Variants in RNF19A observed in about 807,000 individuals in gnomAD.
RNF19A encodes E3 ubiquitin-protein ligase RNF19A.
In RNF19A, 32 loss-of-function variants were observed where a neutral mutation model predicts 75.7. The ratio of observed to expected loss-of-function variants is 0.42; its 90% CI spans 0.32 to 0.57. The LOEUF is 0.57. Among genes scored for constraint, RNF19A ranks in the 20% least tolerant of loss-of-function variants. The probability of loss-of-function intolerance (pLI) is 0.10; values close to 1 mark genes in which losing one functional copy is unlikely to be tolerated. For synonymous variants in RNF19A, 335 were observed against 345.2 expected (o/e 0.97, Z 0.33); for missense variants, 782 against 1,036.3 (o/e 0.75, Z 3.37).
chr8:100,277,921 A>AG (rs1459941433), intron 2 of RNF19A, among the ~76,000 whole-genome samples: 1 of 152,222 alleles, frequency 6.6e-6, no homozygotes, highest in Non-Finnish European at 1.5e-5. Context: ...GAAGGAAGGA[A>AG]GAAGGAAAGA....
chr8:100,281,308 A>G (rs1050268759), intron 2 of RNF19A, among the ~76,000 whole-genome samples: 2 of 152,194 alleles, frequency 1.3e-5, no homozygotes, highest in African/African-American at 4.8e-5. Flanking sequence ...AGTTAGGAAA[A>G]TGCCAAGTAA....
Position 100,258,469 on chromosome 8 carries a change from G to T in RNF19A, c.*87C>A. On this transcript the variant is annotated 3_prime_UTR_variant, in exon 10 of 10. Transcript: ENST00000341084. The surrounding 1 kb of genome is among the most constrained non-coding windows in gnomAD (Gnocchi z 4.3). ...TGATAATGAAACCCGGCTTTTGCTG[G>T]TAACCTGAAACTTAAGTAGTCACAT... The T allele has an allele frequency of 1.8e-6, 2 of 1,099,158 alleles. No individual in the cohort carries two copies. Among genetic ancestry groups the T allele is most frequent in the Non-Finnish European group, 2.6e-6 (2 of 758,606 alleles). The allele number at this position is 1,099,158 out of a possible 1,614,324, so 68.1% of individuals were successfully genotyped here. A position where few individuals can be genotyped will look rare whatever the true frequency, so the allele number is the denominator to read the frequency against.
chr8:100,333,911 A>G lies in RNF19A; in HGVS notation c.-243+2197T>C, dbSNP rs1274086591. Among the ~76,000 whole-genome samples, 2 of 152,214 alleles carry G rather than the reference A, an allele frequency of 1.3e-5. No individual in the cohort carries two copies. The highest frequency in any genetic ancestry group is 2.4e-5 in the African/African-American group (1 of 41,444). The stretch of plus-strand genomic sequence containing the variant: ...TTCCCTACAGCATGATGTTTAAATT[A>G]TTCAGTCTAGTACCCCGATATTCTA... On this transcript the variant is annotated intron_variant, in intron 1 of 3. Transcript: ENST00000519527. The surrounding 1 kb of genome is among the most constrained non-coding windows in gnomAD (Gnocchi z 4.7).
chr8:100,301,890 GAGACCTGA>G (rs535872500), intron 1 of RNF19A, among the ~76,000 whole-genome samples: 206 of 152,314 alleles, frequency 1.4e-3, no homozygotes, highest in African/African-American at 4.6e-3. Context: ...GCATTTAGCA[GAGACCTGA>G]AGGAGGTAAA....
chr8:100,274,598 C>T (rs1014016160), intron 3 of RNF19A, among the ~76,000 whole-genome samples: 4 of 152,030 alleles, frequency 2.6e-5, no homozygotes, highest in East Asian at 1.9e-4. Context: ...TAGCCCAGGC[C>T]GTTCTCGAAC....
rs1563877969 is a variant in RNF19A, at chr8:100,332,285, G to T, written c.-243+3823C>A. Among the ~76,000 whole-genome samples, 1 of 152,068 alleles carries T rather than the reference G, an allele frequency of 6.6e-6. No individual in the cohort carries two copies. The highest frequency in any genetic ancestry group is 1.5e-5 in the Non-Finnish European group (1 of 68,016). ...GGTGGGAAGTGATTGGGTCATGGTG[G>T]TAATTTCCCCCATGTTGTTCTCATG... On this transcript the variant is annotated intron_variant, in intron 1 of 3. Coordinates refer to the RNF19A transcript ENST00000519527. This position sits in a 1 kb window ranked among gnomAD's most constrained non-coding sequence, Gnocchi z 4.8.
intron 5 of RNF19A, among the ~76,000 whole-genome samples, chr8:100,265,101 T>A (rs1819910627): frequency 6.6e-6 from 1 of 152,200 alleles, no homozygotes; most frequent in African/African-American, 2.4e-5. Context: ...AAATTAAGAT[T>A]ATTATTTTCA....
At chr8:100,274,084 C>T (rs1820387740) in intron 3 of RNF19A, among the ~76,000 whole-genome samples, 1 of 152,114 alleles carries the variant, frequency 6.6e-6, no homozygotes, top group African/African-American at 2.4e-5. Context: ...CGTGACTGGC[C>T]AGTATCTTTA....
At chr8:100,266,202 T>C (rs1389338922) in intron 5 of RNF19A, among the ~76,000 whole-genome samples, 3 of 152,240 alleles carry the variant, frequency 2.0e-5, no homozygotes, top group Non-Finnish European at 2.9e-5. Flanking sequence ...GGGTACTTTA[T>C]TGACTTAGCA....
chr8:100,315,649 C>G (rs1266942049), intron 1 of RNF19A, among the ~76,000 whole-genome samples: 1 of 151,836 alleles, frequency 6.6e-6, no homozygotes, highest in Non-Finnish European at 1.5e-5. Flanking sequence ...TCTTCGTCGT[C>G]TTGTTGTTGT....
At chr8:100,315,618 C>G (rs1481065084) in intron 1 of RNF19A, among the ~76,000 whole-genome samples, 1 of 152,132 alleles carries the variant, frequency 6.6e-6, no homozygotes, top group Non-Finnish European at 1.5e-5. Context: ...TCTTTCCCAG[C>G]AGGGTCATGG....
chr8:100,283,835 T>C (rs752831384), intron 2 of RNF19A, among the ~76,000 whole-genome samples: 1 of 152,224 alleles, frequency 6.6e-6, no homozygotes, highest in Admixed American at 6.5e-5. Flanking sequence ...ATACTACCTA[T>C]ATGCCTATGG....
chr8:100,308,697 A>C (rs1011285261), intron 1 of RNF19A, among the ~76,000 whole-genome samples: 1 of 152,212 alleles, frequency 6.6e-6, no homozygotes, highest in Non-Finnish European at 1.5e-5. Flanking sequence ...TTTAAAAAAA[A>C]AAAATGTGGA....
intron 1 of RNF19A, among the ~76,000 whole-genome samples, chr8:100,306,377 A>G (rs1822061759): frequency 6.6e-6 from 1 of 152,208 alleles, no homozygotes; most frequent in Admixed American, 6.5e-5. Context: ...TAGGACTTCT[A>G]AAACAAATTA....
intron 2 of RNF19A, among the ~76,000 whole-genome samples, chr8:100,278,793 G>GT (rs1480250994): frequency 6.6e-6 from 1 of 151,912 alleles, no homozygotes; most frequent in Admixed American, 6.6e-5. Flanking sequence ...AATGAATTAA[G>GT]TTTTAAAAAA....
intron 2 of RNF19A, among the ~76,000 whole-genome samples, chr8:100,278,445 A>G (rs1407883012): frequency 6.6e-6 from 1 of 152,234 alleles, no homozygotes; most frequent in African/African-American, 2.4e-5. Context: ...ACTTAAGTAT[A>G]AATGTCCAGT....
intron 1 of RNF19A, among the ~76,000 whole-genome samples, chr8:100,290,873 A>G (rs1356317230): frequency 1.3e-5 from 2 of 152,194 alleles, no homozygotes; most frequent in Non-Finnish European, 2.9e-5. Flanking sequence ...ACACAATGAT[A>G]TCTGTGTACC....
Position 100,258,432 on chromosome 8 carries a change from G to C in RNF19A, c.*124C>G. 1.4e-6 allele frequency: 1 copy of C among 731,396 alleles called. No individual in the cohort carries two copies. The highest frequency in any genetic ancestry group is 2.3e-6 in the Non-Finnish European group (1 of 443,018). 45.3% of individuals were successfully genotyped at this position (731,396 alleles called of 1,614,324 possible). A position where few individuals can be genotyped will look rare whatever the true frequency, so the allele number is the denominator to read the frequency against. On this transcript the variant is annotated 3_prime_UTR_variant, in exon 10 of 10. Coordinates refer to ENST00000341084, the MANE Select transcript of RNF19A (RefSeq NM_183419.4). The surrounding 1 kb of genome is among the most constrained non-coding windows in gnomAD (Gnocchi z 4.3). ...CAATGCCTTGCTGAACACAGAAAAT[G>C]TATCTGCATTATGATAATGAAACCC...
At position 100,258,838 on chromosome 8, in the gene RNF19A, A is replaced by G; in HGVS notation, c.2235T>C (p.His745=). The change falls in exon 10 of 10, where the codon CAT becomes CAC. Residue 745 remains histidine (H), a synonymous_variant. Coordinates refer to ENST00000341084, the MANE Select transcript of RNF19A (RefSeq NM_183419.4). This position sits in a 1 kb window ranked among gnomAD's most constrained non-coding sequence, Gnocchi z 4.3. ...DLESMKTSCS[H]GSSDYHTRFA... ...AGCGGGTGTGATAATCACTGGAACC[A>G]TGACTACAAGAAGTTTTCATGCTTT... The G allele has an allele frequency of 6.2e-7, 1 of 1,614,200 alleles. No homozygotes were observed. The highest frequency in any genetic ancestry group is 2.2e-5 in the East Asian group (1 of 44,882).
Sources: gnomAD v4.1 joint callset for allele counts (sites outside exome capture counted in the v4.1 genomes callset) on GRCh38, gnomAD v4.1.1 for gene constraint, Gnocchi (gnomAD v3.1) non-coding constraint, MANE v1.5 for transcripts, NCBI Gene and HGNC (gene_info 2026-07-23, HGNC 2026-07-21) for gene names.